LRP8: variants seen among roughly 807,000 people sequenced by gnomAD.
The protein encoded by LRP8 is LDL receptor related protein 8, also known as low-density lipoprotein receptor-related protein 8.
In LRP8, 46 loss-of-function variants were observed where a neutral mutation model predicts 111.6. That is an observed-to-expected ratio of 0.41 (90% confidence interval 0.33 to 0.53). The LOEUF (loss-of-function observed/expected upper bound fraction) is 0.53, where lower values mean the gene tolerates loss of function less well. Ranked by LOEUF, LRP8 falls within the 20% of genes least tolerant of loss-of-function variation. The pLI, the probability that LRP8 is intolerant of heterozygous loss-of-function variation, is 0.20. For synonymous variants in LRP8, 464 were observed against 511.2 expected, an observed-to-expected ratio of 0.91 and a Z score of 1.24; for missense variants, 959 against 1,297.4, an observed-to-expected ratio of 0.74 and a Z score of 4.01.
intron 2 of LRP8, among the ~76,000 whole-genome samples, chr1:53,316,377 T>C (rs1019602671): frequency 3.3e-5 from 5 of 152,174 alleles, no homozygotes; most frequent in African/African-American, 1.2e-4. Context: ...CTGCTCTCAC[T>C]GGCTCATAGG....
Position 53,257,321 on chromosome 1 carries a change from G to T in LRP8, c.2353C>A (p.Pro785Thr). The change falls in exon 15 of 19, where the codon CCA becomes ACA. Residue 785 changes from proline (P) to threonine (T), a missense_variant. Pro to Thr is a conservative substitution (Grantham distance 38). Transcript: ENST00000306052. ...GCCCTGGGGACACTAACTGAGCTTG[G>T]GACTGCAGCTGTCAGGCTTGGTGTC... Reference protein sequence around the residue: ...TETPSLTAAVPSSVSVPRAPS... With the variant: ...TETPSLTAAVTSSVSVPRAPS... 6.2e-7 allele frequency: 1 copy of T among 1,614,124 alleles called. No individual in the cohort carries two copies. The highest frequency in any genetic ancestry group is 8.5e-7 in the Non-Finnish European group (1 of 1,180,010).
chr1:53,276,673 C>T lies in LRP8; in HGVS notation c.883+19G>A. 6.6e-7 allele frequency: 1 copy of T among 1,520,718 alleles called. No individual in the cohort carries two copies. Among genetic ancestry groups the T allele is most frequent in the Non-Finnish European group, 8.8e-7 (1 of 1,136,434 alleles). The allele number at this position is 1,520,718 out of a possible 1,614,324, so 94.2% of individuals were successfully genotyped here. On this transcript the variant is annotated intron_variant, in intron 5 of 18. Transcript: ENST00000306052. Reference sequence around the variant, plus strand: ...TCCGCAATCCCTGGGCGGGGCTGGGCGGTATGGAGGGGGCTTACGGCAGTC... The same window carrying T: ...TCCGCAATCCCTGGGCGGGGCTGGGTGGTATGGAGGGGGCTTACGGCAGTC...
At position 53,266,735 on chromosome 1, in the gene LRP8, G is replaced by T; in HGVS notation, c.1253-88C>A. 2 of 1,204,232 alleles carry T rather than the reference G, an allele frequency of 1.7e-6. No homozygotes were observed. The highest frequency in any genetic ancestry group is 2.4e-6 in the Non-Finnish European group (2 of 824,442). The allele number at this position is 1,204,232 out of a possible 1,614,324, so 74.6% of individuals were successfully genotyped here. A position where few individuals can be genotyped will look rare whatever the true frequency, so the allele number is the denominator to read the frequency against. ...AGACTCTGCCACTGGCTTGCTGGCT[G>T]ACACATCCATTTTCCTTAAAATAGT... On this transcript the variant is annotated intron_variant, in intron 8 of 18. Transcript: ENST00000306052. The surrounding 1 kb of genome is among the most constrained non-coding windows in gnomAD (Gnocchi z 5.0).
At chr1:53,320,061 C>A (rs1367579023) in intron 2 of LRP8, among the ~76,000 whole-genome samples, 2 of 152,256 alleles carry the variant, frequency 1.3e-5, no homozygotes. Context: ...CTCTCCTCTG[C>A]GAAATGCAGT....
Position 53,246,640 on chromosome 1 carries a change from A to G in LRP8, c.*378T>C. On this transcript the variant is annotated 3_prime_UTR_variant, in exon 19 of 19. Transcript: ENST00000306052. ...AAACAAATGCCCCAAAACCTAAAAA[A>G]GCCCCCCCAGCAACCAAACATCTTC... The G allele has an allele frequency of 5.8e-6, 1 of 171,498 alleles. No individual in the cohort carries two copies. Among genetic ancestry groups the G allele is most frequent in the Non-Finnish European group, 1.2e-5 (1 of 80,544 alleles). The allele number at this position is 171,498 out of a possible 1,614,324, so 10.6% of individuals were successfully genotyped here. A position where few individuals can be genotyped will look rare whatever the true frequency, so the allele number is the denominator to read the frequency against.
rs1338418583 is a variant in LRP8 at position 53,260,585 on chromosome 1, G to A, written c.1935C>T (p.Asp645=). The change falls in exon 13 of 19, where the codon GAC becomes GAT. Residue 645 remains aspartate, a synonymous_variant. Transcript: ENST00000306052. ...AVFEDKVFWT[D]LENEAIFSAN... ...CACTGAAAATGGCCTCGTTCTCCAGGTCTGTCCAGAACACCTTGTCCTGTG... is the reference window on the plus strand; with the variant it reads ...CACTGAAAATGGCCTCGTTCTCCAGATCTGTCCAGAACACCTTGTCCTGTG... 4 of 1,614,210 alleles carry A rather than the reference G, an allele frequency of 2.5e-6. No individual in the cohort carries two copies. The highest frequency in any genetic ancestry group is 3.4e-6 in the Non-Finnish European group (4 of 1,180,018).
chr1:53,301,264 G>T (rs1450168714), intron 2 of LRP8, among the ~76,000 whole-genome samples: 1 of 152,204 alleles, frequency 6.6e-6, no homozygotes, highest in African/African-American at 2.4e-5. Context: ...GAGCCCAAGA[G>T]AAATCTAGCA....
chr1:53,265,253 T>C (rs1646507474), intron 9 of LRP8, among the ~76,000 whole-genome samples: 1 of 152,206 alleles, frequency 6.6e-6, no homozygotes, highest in Non-Finnish European at 1.5e-5. Flanking sequence ...ATTAGTTCCT[T>C]AGTGTCCACT....
At chr1:53,302,856 A>ATTTTTTTTTTTTTTTTT (rs769628078) in intron 2 of LRP8, among the ~76,000 whole-genome samples, 2 of 126,604 alleles carry the variant, frequency 1.6e-5, no homozygotes, top group Admixed American at 8.5e-5. Flanking sequence ...CACCCAGCTA[A>ATTTTTTTTTTTTTTTTT]TTTTTTTTTT....
intron 8 of LRP8, among the ~76,000 whole-genome samples, chr1:53,269,449 G>A (rs1234446221): frequency 6.6e-6 from 1 of 151,932 alleles, no homozygotes; most frequent in East Asian, 1.9e-4. Context: ...AGTAGCTTGG[G>A]ACTATAGGTG....
chr1:53,273,479 C>T (rs972838920), intron 6 of LRP8, among the ~76,000 whole-genome samples: 2 of 152,254 alleles, frequency 1.3e-5, no homozygotes, highest in Non-Finnish European at 2.9e-5. Context: ...AACACAGAGA[C>T]AGAGGCCACA....
chr1:53,271,623 A>G (rs904823059), intron 6 of LRP8, among the ~76,000 whole-genome samples: 2 of 152,072 alleles, frequency 1.3e-5, no homozygotes, highest in Non-Finnish European at 2.9e-5. Flanking sequence ...GGCTCTGTCC[A>G]CCACCAAGCT....
At chr1:53,326,813 T>A in intron 2 of LRP8, 60 bp downstream of exon 2, 5 of 1,557,714 alleles carry the variant, frequency 3.2e-6, no homozygotes, top group South Asian at 1.2e-5. Flanking sequence ...GCGCCAAGCA[T>A]GGTGCCCCCC....
At position 53,276,691 on chromosome 1, in the gene LRP8, C is replaced by T. The variant is rs1204657376; in HGVS notation, c.883+1G>A. On this transcript the variant is annotated splice_donor_variant, in intron 5 of 18. Coordinates refer to ENST00000306052, the MANE Select transcript of LRP8 (RefSeq NM_004631.5). LOFTEE classifies it high-confidence loss of function. ...GGCTGGGCGGTATGGAGGGGGCTTA[C>T]GGCAGTCGGCCTCGTCCGATTTGTC... The T allele has an allele frequency of 4.6e-6, 7 of 1,537,924 alleles. No individual in the cohort carries two copies. Among genetic ancestry groups the T allele is most frequent in the African/African-American group, 2.8e-5 (2 of 71,558 alleles).
chr1:53,266,496 G>T lies in LRP8; in HGVS notation c.1404C>A (p.Asp468Glu), dbSNP rs753185194. 5 of 1,614,052 alleles carry T rather than the reference G, an allele frequency of 3.1e-6. No homozygotes were observed. The highest frequency in any genetic ancestry group is 2.7e-5 in the African/African-American group (2 of 74,924). ...EVATNRIYWC[D>E]LSYRKIYSAY... ...ACCTATAGATCTTACGGTAGGAGAG[G>T]TCACACCAGTAGATGCGATTGGTGG... Residue 468 changes from aspartate (D) to glutamate (E), a missense_variant, in exon 9 of 19, where the codon GAC becomes GAA. Around this residue, in one of 3 missense-constraint regions of LRP8, gnomAD observed 819 missense variants for 1,097.6 expected, o/e 0.75. Coordinates refer to ENST00000306052, the MANE Select transcript of LRP8 (RefSeq NM_004631.5). The surrounding 1 kb of genome is among the most constrained non-coding windows in gnomAD (Gnocchi z 5.0).
At chr1:53,299,293 C>G (rs761263637) in intron 2 of LRP8, among the ~76,000 whole-genome samples, 12 of 152,302 alleles carry the variant, frequency 7.9e-5, no homozygotes, top group Admixed American at 3.9e-4. Flanking sequence ...GCTGCAGCAC[C>G]CTCTCCTCTG....
intron 3 of LRP8, among the ~76,000 whole-genome samples, chr1:53,287,611 C>T (rs1049848294): frequency 2.0e-5 from 3 of 152,112 alleles, no homozygotes; most frequent in Non-Finnish European, 2.9e-5. Flanking sequence ...TCAGAGAGCT[C>T]GAAGAGCCTT....
chr1:53,251,962 AG>A (rs1385684266), intron 16 of LRP8, among the ~76,000 whole-genome samples: 1 of 150,622 alleles, frequency 6.6e-6, no homozygotes, highest in Non-Finnish European at 1.5e-5. Flanking sequence ...GGATTGCTTG[AG>A]CCTGGGAGGT....
In LRP8 at chr1:53,303,564, A is replaced by G. The variant is rs1420904713; in HGVS notation, c.245-13875T>C. On this transcript the variant is annotated intron_variant, in intron 2 of 18. Coordinates refer to ENST00000306052, the MANE Select transcript of LRP8 (RefSeq NM_004631.5). This position sits in a 1 kb window ranked among gnomAD's most constrained non-coding sequence, Gnocchi z 4.3. ...TCACAGAACAGAATCTCCCTGTCTCAGGATCTGAGAATCGTAAAACACACA... is the reference window on the plus strand; with the variant it reads ...TCACAGAACAGAATCTCCCTGTCTCGGGATCTGAGAATCGTAAAACACACA... Among the ~76,000 whole-genome samples the G allele has an allele frequency of 6.6e-6, 1 of 152,258 alleles. No homozygotes were observed. Among genetic ancestry groups the G allele is most frequent in the Non-Finnish European group, 1.5e-5 (1 of 68,048 alleles).
Sources: gnomAD v4.1 joint callset for allele counts (sites outside exome capture counted in the v4.1 genomes callset) on GRCh38, gnomAD v4.1.1 for gene constraint, gnomAD v4.1.1 regional missense constraint, Gnocchi (gnomAD v3.1) non-coding constraint, MANE v1.5 for transcripts, NCBI Gene and HGNC (gene_info 2026-07-23, HGNC 2026-07-21) for gene names.